Variants in VPS13C observed in about 807,000 individuals in gnomAD.
The protein encoded by VPS13C is vacuolar protein sorting 13 homolog C.
Under a neutral mutation model 456.8 loss-of-function variants are expected in VPS13C, and 358 were observed. That is an observed-to-expected ratio of 0.78 (90% CI 0.72 to 0.86). VPS13C has a LOEUF of 0.86. Among genes scored for constraint, VPS13C ranks in the 40% least tolerant of loss-of-function variants. The probability of loss-of-function intolerance (pLI) is 0.00; values close to 1 mark genes in which losing one functional copy is unlikely to be tolerated. For synonymous variants in VPS13C, 1,578 were observed against 1,486.7 expected (o/e 1.06, Z -1.41); for missense variants, 4,818 against 4,385.4 (o/e 1.10, Z -2.79).
intron 1 of VPS13C, 97 bp downstream of exon 1, chr15:62,060,178 C>A: frequency 1.7e-6 from 1 of 588,006 alleles, no homozygotes; most frequent in Non-Finnish European, 2.9e-6. Flanking sequence ...GAGTCTCAGG[C>A]GGCGCAGGGA....
chr15:61,854,568 A>G lies in VPS13C; in HGVS notation c.11161-10T>C. 6.2e-7 allele frequency: 1 copy of G among 1,613,020 alleles called. No individual in the cohort carries two copies. Among genetic ancestry groups the G allele is most frequent in the Non-Finnish European group, 8.5e-7 (1 of 1,179,070 alleles). On this transcript the variant is annotated splice_polypyrimidine_tract_variant and intron_variant, in intron 84 of 84. Transcript: ENST00000644861. The stretch of plus-strand genomic sequence containing the variant: ...TGGCATTACATGCTCTCTGTAAAGT[A>G]AAATACTTATTATGAATTTTAAAGA...
chr15:61,989,017 C>A (rs2046143226), intron 18 of VPS13C, among the ~76,000 whole-genome samples: 1 of 151,874 alleles, frequency 6.6e-6, no homozygotes, highest in South Asian at 2.1e-4. Context: ...ACCAAAAAAG[C>A]ATTAGCCAAA....
Position 62,011,705 on chromosome 15 carries a change from T to C in VPS13C, c.883+402A>G, listed in dbSNP as rs187549186. On this transcript the variant is annotated intron_variant, in intron 12 of 84. Transcript: ENST00000644861. ...AGAAAAGCTCACTAAAAAAATTCTCTAGAGTGGCAGGATTATGTTAACACT... is the reference window on the plus strand; with the variant it reads ...AGAAAAGCTCACTAAAAAAATTCTCCAGAGTGGCAGGATTATGTTAACACT... 9.6e-4 allele frequency among the ~76,000 whole-genome samples: 146 copies of C among 152,064 alleles called. 1 individual carries two copies. The highest frequency in any genetic ancestry group is 3.4e-3 in the African/African-American group (143 of 41,534).
At chr15:61,854,990 TTCTGAGG>T in intron 83 of VPS13C, 36 bp from the exon 84 acceptor site, 1 of 1,553,004 alleles carries the variant, frequency 6.4e-7, no homozygotes, top group Admixed American at 2.2e-5. Context: ...AAAGAAATTA[TTCTGAGG>T]AAGAAAAAAA....
intron 8 of VPS13C, among the ~76,000 whole-genome samples, chr15:62,021,171 A>G (rs989447218): frequency 2.0e-5 from 3 of 151,876 alleles, no homozygotes; most frequent in Non-Finnish European, 4.4e-5. Flanking sequence ...GGTGTAAATG[A>G]TAGGAAATTT....
At chr15:62,009,509 G>A (rs2046973039) in intron 13 of VPS13C, among the ~76,000 whole-genome samples, 1 of 152,082 alleles carries the variant, frequency 6.6e-6, no homozygotes, top group African/African-American at 2.4e-5. Flanking sequence ...GATGTGAAAT[G>A]TCTCATTATA....
At chr15:62,060,010 C>T (rs1384606010) in intron 1 of VPS13C, among the ~76,000 whole-genome samples, 2 of 152,224 alleles carry the variant, frequency 1.3e-5, no homozygotes, top group Non-Finnish European at 2.9e-5. Flanking sequence ...GCGGGGACAG[C>T]AGGGCCAGGG....
intron 19 of VPS13C, 74 bp from the exon 20 acceptor site, chr15:61,984,086 C>G (rs1308647570): frequency 1.0e-5 from 15 of 1,436,720 alleles, no homozygotes; most frequent in Non-Finnish European, 1.4e-5. Context: ...ATACAAATTT[C>G]CTTTTAAAAA....
chr15:62,008,452 A>G (rs1226971039), intron 14 of VPS13C, among the ~76,000 whole-genome samples: 1 of 152,126 alleles, frequency 6.6e-6, no homozygotes, highest in African/African-American at 2.4e-5. Context: ...GGATGTTCAT[A>G]TGAAAAAAGT....
chr15:61,998,834 T>C (rs985026974), intron 16 of VPS13C, among the ~76,000 whole-genome samples: 2 of 152,192 alleles, frequency 1.3e-5, no homozygotes, highest in African/African-American at 2.4e-5. Context: ...ATCCTCCTCT[T>C]TCTCCTCCCA....
In VPS13C at chr15:62,041,340, G is replaced by T; in HGVS notation, c.171C>A (p.Val57=). Residue 57 remains valine (V), a synonymous_variant, in exon 3 of 85, where the codon GTC becomes GTA. Coordinates refer to ENST00000644861, the MANE Select transcript of VPS13C (RefSeq NM_020821.3). ...ALSELDVPFK[V]KAGQIDKLTL... ...AGTACTTACCAATTTGGCCAGCCTT[G>T]ACTTTAAAAGGAACATCCAATTCAC... The T allele has an allele frequency of 6.2e-7, 1 of 1,607,180 alleles. No individual in the cohort carries two copies. Among genetic ancestry groups the T allele is most frequent in the South Asian group, 1.1e-5 (1 of 89,260 alleles).
At chr15:61,907,506 A>T in intron 65 of VPS13C, 116 bp from the exon 66 acceptor site, 1 of 1,299,508 alleles carries the variant, frequency 7.7e-7, no homozygotes, top group Non-Finnish European at 1.0e-6. Context: ...TGTGGTTAAT[A>T]AAACACAACT....
intron 1 of VPS13C, among the ~76,000 whole-genome samples, chr15:62,045,071 T>C (rs2048358846): frequency 6.6e-6 from 1 of 152,110 alleles, no homozygotes; most frequent in Admixed American, 6.5e-5. Context: ...TTCCAGGTAT[T>C]TTTGAGTGAA....
In VPS13C at chr15:61,971,924, A is replaced by C. The variant is rs543406811; in HGVS notation, c.2757+701T>G. On this transcript the variant is annotated intron_variant, in intron 27 of 84. Coordinates refer to ENST00000644861, the MANE Select transcript of VPS13C (RefSeq NM_020821.3). ...TCTCACTATGGCACATGAAACAGTCAATAAGGAACACCTCCATTTTCTATC... is the reference window on the plus strand; with the variant it reads ...TCTCACTATGGCACATGAAACAGTCCATAAGGAACACCTCCATTTTCTATC... 2.2e-4 allele frequency among the ~76,000 whole-genome samples: 34 copies of C among 152,324 alleles called. 1 individual carries two copies. The South Asian group carries it at 7.0e-3, about 32-fold the overall frequency.
At position 61,936,741 on chromosome 15, in the gene VPS13C, T is replaced by G. The variant is rs746630066; in HGVS notation, c.5611A>C (p.Ser1871Arg). The change falls in exon 48 of 85, where the codon AGT becomes CGT. Residue 1871 changes from serine to arginine, a missense_variant. By Grantham distance (110) the Ser-to-Arg change is moderately radical (BLOSUM62 -1). Coordinates refer to ENST00000644861, the MANE Select transcript of VPS13C (RefSeq NM_020821.3). ...GKLKPMQVALSEDDLTVLMKI... is the reference protein window; with the variant it reads ...GKLKPMQVALREDDLTVLMKI... ...ATTAAAACTGTCAAGTCATCTTCAC[T>G]GAGAGCAACCTAGAAACCACCAATA... The G allele has an allele frequency of 6.2e-7, 1 of 1,609,190 alleles. No individual in the cohort carries two copies. The highest frequency in any genetic ancestry group is 8.5e-7 in the Non-Finnish European group (1 of 1,178,476).
At chr15:62,019,339 T>C (rs1596485834) in intron 9 of VPS13C, among the ~76,000 whole-genome samples, 1 of 152,160 alleles carries the variant, frequency 6.6e-6, no homozygotes, top group Non-Finnish European at 1.5e-5. Context: ...AGCTTTTGAA[T>C]GTGTTTGCTC....
chr15:62,002,567 T>C (rs2046667207), intron 15 of VPS13C, among the ~76,000 whole-genome samples: 1 of 152,212 alleles, frequency 6.6e-6, no homozygotes, highest in Admixed American at 6.5e-5. Flanking sequence ...CCATTGCTTT[T>C]GGTGTTTTAG....
chr15:61,973,252 C>A (rs2140356307), intron 26 of VPS13C, among the ~76,000 whole-genome samples: 1 of 152,070 alleles, frequency 6.6e-6, no homozygotes, highest in Non-Finnish European at 1.5e-5. Context: ...CAAAAAAAAA[C>A]CCTTCATTTG....
Position 61,978,747 on chromosome 15 carries a change from G to A in VPS13C, c.2169C>T (p.Leu723=), listed in dbSNP as rs2045786313. 4 of 1,579,366 alleles carry A rather than the reference G, an allele frequency of 2.5e-6. No homozygotes were observed. The highest frequency in any genetic ancestry group is 3.4e-6 in the Non-Finnish European group (4 of 1,168,178). Reference sequence around the variant, plus strand: ...TCTGTAAACCTTGATCTTTACTGTTGAGCTAAAATGAAGGACAAATTTCAA... The same window carrying A: ...TCTGTAAACCTTGATCTTTACTGTTAAGCTAAAATGAAGGACAAATTTCAA... ...LLILDFGTFQ[L]NSKDQGLQKT... Residue 723 remains leucine, a splice_region_variant and synonymous_variant, in exon 23 of 85, where the codon CTC becomes CTT. Coordinates refer to ENST00000644861, the MANE Select transcript of VPS13C (RefSeq NM_020821.3).
Sources: gnomAD v4.1 joint callset for allele counts (sites outside exome capture counted in the v4.1 genomes callset) on GRCh38, gnomAD v4.1.1 for gene constraint, MANE v1.5 for transcripts, NCBI Gene and HGNC (gene_info 2026-07-23, HGNC 2026-07-21) for gene names.